Variants in CADM2 observed in about 807,000 individuals in gnomAD.
CADM2 encodes cell adhesion molecule 2.
A neutral mutation model predicts 49.8 loss-of-function variants in CADM2; 12 were observed. The observed-to-expected ratio is 0.24, with a 90% CI of 0.15 to 0.39. CADM2 has a LOEUF of 0.39. Among genes scored for constraint, CADM2 ranks in the 10% least tolerant of loss-of-function variants. The probability of loss-of-function intolerance (pLI) is 1.00; values close to 1 mark genes in which losing one functional copy is unlikely to be tolerated. For synonymous variants in CADM2, 214 were observed against 175.4 expected (o/e 1.22, Z -1.74); for missense variants, 378 against 492.3 (o/e 0.77, Z 2.20).
intron 8 of CADM2, among the ~76,000 whole-genome samples, chr3:85,972,061 C>T (rs574135520): frequency 1.4e-4 from 21 of 151,546 alleles, no homozygotes; most frequent in Admixed American, 5.3e-4. Flanking sequence ...GAGGAGGAGG[C>T]GTGTACTGGT....
At chr3:85,186,588 T>C (rs1358007967) in intron 1 of CADM2, among the ~76,000 whole-genome samples, 8 of 151,998 alleles carry the variant, frequency 5.3e-5, no homozygotes, top group Admixed American at 4.6e-4. Flanking sequence ...TATAGCACAA[T>C]TGAAATTTTG....
intron 1 of CADM2, among the ~76,000 whole-genome samples, chr3:84,983,847 T>A (rs1206384601): frequency 6.6e-6 from 1 of 152,168 alleles, no homozygotes; most frequent in Non-Finnish European, 1.5e-5. Context: ...AGTGGGGCTT[T>A]AAATAATATA....
chr3:85,388,350 G>A lies in CADM2; in HGVS notation c.62-338172G>A, dbSNP rs1043911628. On this transcript the variant is annotated intron_variant, in intron 1 of 9. Transcript: ENST00000383699. Reference sequence around the variant, plus strand: ...GAATTAATTGTTTGGCCTGGGATTCGTCACAATAATATGTTTGGCCATGTG... The same window carrying A: ...GAATTAATTGTTTGGCCTGGGATTCATCACAATAATATGTTTGGCCATGTG... 3.3e-5 allele frequency among the ~76,000 whole-genome samples: 5 copies of A among 152,128 alleles called. No individual in the cohort carries two copies. The South Asian group carries it at 8.3e-4, about 25-fold the overall frequency.
At chr3:85,795,614 A>G (rs2071573853) in intron 2 of CADM2, among the ~76,000 whole-genome samples, 1 of 152,208 alleles carries the variant, frequency 6.6e-6, no homozygotes, top group African/African-American at 2.4e-5. Context: ...TCTGGCATGT[A>G]GAGGACTCTA....
chr3:85,555,317 T>C (rs1336926150), intron 1 of CADM2, among the ~76,000 whole-genome samples: 11 of 152,302 alleles, frequency 7.2e-5, no homozygotes, highest in Non-Finnish European at 1.5e-4. Flanking sequence ...TCACACTCCC[T>C]GTATCTTGGT....
At chr3:86,043,034 T>G (rs564009021) in intron 8 of CADM2, among the ~76,000 whole-genome samples, 114 of 152,274 alleles carry the variant, frequency 7.5e-4, no homozygotes, top group African/African-American at 2.6e-3. Flanking sequence ...CAACAGCCCT[T>G]CATGCTAAAA....
intron 1 of CADM2, among the ~76,000 whole-genome samples, chr3:85,650,302 A>G (rs1226981298): frequency 6.6e-6 from 1 of 152,166 alleles, no homozygotes; most frequent in Non-Finnish European, 1.5e-5. Context: ...TGAGTAGATA[A>G]AAGATCTCTT....
chr3:85,820,955 T>C (rs2073519180), intron 3 of CADM2, among the ~76,000 whole-genome samples: 4 of 152,140 alleles, frequency 2.6e-5, no homozygotes, highest in Admixed American at 2.6e-4. Flanking sequence ...ATTGTGACAT[T>C]TGACTTGCAG....
chr3:85,126,539 T>C (rs187131644), intron 1 of CADM2, among the ~76,000 whole-genome samples: 6 of 152,304 alleles, frequency 3.9e-5, no homozygotes, highest in African/African-American at 1.4e-4. Context: ...TTTTGCTTTT[T>C]AAGAATGTTT....
At chr3:86,016,174 G>A (rs1417817792) in intron 8 of CADM2, among the ~76,000 whole-genome samples, 1 of 151,906 alleles carries the variant, frequency 6.6e-6, no homozygotes, top group Non-Finnish European at 1.5e-5. Flanking sequence ...TACTATAGTG[G>A]TAAAGTACAT....
intron 1 of CADM2, among the ~76,000 whole-genome samples, chr3:85,695,782 G>A (rs1259810304): frequency 2.6e-5 from 4 of 151,986 alleles, no homozygotes; most frequent in African/African-American, 9.7e-5. Flanking sequence ...CCCCGTAGTG[G>A]GATTTCTGGA....
At chr3:85,614,499 A>G (rs1461820908) in intron 1 of CADM2, among the ~76,000 whole-genome samples, 4 of 151,878 alleles carry the variant, frequency 2.6e-5, no homozygotes, top group Non-Finnish European at 5.9e-5. Context: ...AAGTAATCCA[A>G]GTTGGTCGGC....
intron 1 of CADM2, among the ~76,000 whole-genome samples, chr3:85,449,082 A>AATAATAATAAT (rs1553724946): frequency 0.22 from 24,307 of 112,730 alleles, 2,640 homozygotes; most frequent in East Asian, 0.45. Flanking sequence ...ATAATGATAA[A>AATAATAATAAT]AATTATATAA....
intron 1 of CADM2, among the ~76,000 whole-genome samples, chr3:85,541,793 A>G (rs374985277): frequency 7.5e-6 from 1 of 133,906 alleles, no homozygotes; most frequent in Non-Finnish European, 1.6e-5. Context: ...ATATATATAT[A>G]TGTATAGTGT....
intron 1 of CADM2, among the ~76,000 whole-genome samples, chr3:85,583,297 G>A (rs1287354436): frequency 2.0e-5 from 3 of 152,036 alleles, no homozygotes; most frequent in South Asian, 4.1e-4. Context: ...TAATTTTTGA[G>A]AACCAGGGTT....
chr3:85,559,655 A>AACAC (rs144677158), intron 1 of CADM2, among the ~76,000 whole-genome samples: 2,887 of 111,048 alleles, frequency 0.026, 79 homozygotes, highest in African/African-American at 0.075. Context: ...ATTTAAAAGA[A>AACAC]ACACACACAC....
At chr3:85,309,718 G>A (rs1429951183) in intron 1 of CADM2, among the ~76,000 whole-genome samples, 2 of 152,114 alleles carry the variant, frequency 1.3e-5, no homozygotes, top group African/African-American at 2.4e-5. Flanking sequence ...TGAGGAATCA[G>A]CAGCCTCTGG....
chr3:85,643,498 G>A lies in CADM2; in HGVS notation c.62-83024G>A, dbSNP rs184369755. 4.3e-3 allele frequency among the ~76,000 whole-genome samples: 656 copies of A among 152,198 alleles called. 4 individuals carry two copies. The highest frequency in any genetic ancestry group is 0.041 in the Middle Eastern group (12 of 294). On this transcript the variant is annotated intron_variant, in intron 1 of 9. Transcript: ENST00000383699. Reference sequence around the variant, plus strand: ...TAGCTGCCAGCTCTAATCAAATTGAGAAGTAATTAGCAAATCAAAACTTGA... The same window carrying A: ...TAGCTGCCAGCTCTAATCAAATTGAAAAGTAATTAGCAAATCAAAACTTGA...
At chr3:85,040,788 C>T (rs940368027) in intron 1 of CADM2, among the ~76,000 whole-genome samples, 10 of 152,094 alleles carry the variant, frequency 6.6e-5, no homozygotes, top group Non-Finnish European at 1.5e-4. Context: ...ACTTTAATAT[C>T]TGCTGAGATG....
Sources: allele counts gnomAD v4.1 joint callset (sites outside exome capture counted in the v4.1 genomes callset), GRCh38; gene constraint gnomAD v4.1.1; transcripts MANE v1.5; gene names NCBI Gene and HGNC (gene_info 2026-07-23, HGNC 2026-07-21).